Variants in SLAMF9 observed in about 807,000 individuals in gnomAD.
The protein encoded by SLAMF9 is CD2 family member 10.
A neutral mutation model predicts 30.4 loss-of-function variants in SLAMF9; 25 were observed. That is an observed-to-expected ratio of 0.82 (90% CI 0.60 to 1.15). The LOEUF is 1.15. Ranked by LOEUF, SLAMF9 falls within the 50% of genes most tolerant of loss-of-function variation. The pLI, the probability that SLAMF9 is intolerant of heterozygous loss-of-function variation, is 0.00. For synonymous variants in SLAMF9, 129 were observed against 127.2 expected (o/e 1.01, Z -0.09); for missense variants, 344 against 346.1 (o/e 0.99, Z 0.05).
At chr1:159,957,520 A>T (rs767265968), upstream of SLAMF9, among the ~76,000 whole-genome samples, 3 of 152,086 alleles carry the variant, frequency 2.0e-5, no homozygotes, top group Non-Finnish European at 2.9e-5. Context: ...GCTACTCAGG[A>T]GGCTGAGGCA....
chr1:159,959,623 G>A, the SLAMF9 span, among the ~76,000 whole-genome samples: 1 of 152,078 alleles, frequency 6.6e-6, no homozygotes, highest in Non-Finnish European at 1.5e-5. Context: ...CTCACTTGCG[G>A]GGCCACATTC....
Position 159,951,629 on chromosome 1 carries a change from C to A in SLAMF9, c.*32G>T. The A allele has an allele frequency of 6.2e-7, 1 of 1,607,168 alleles. No individual in the cohort carries two copies. The highest frequency in any genetic ancestry group is 1.1e-5 in the South Asian group (1 of 90,588). Reference sequence around the variant, plus strand: ...GGATTCTCTGGGTGCTGGGAAGAAACCAAGCTCAGGACTGGGGTTCCCAAG... The same window carrying A: ...GGATTCTCTGGGTGCTGGGAAGAAAACAAGCTCAGGACTGGGGTTCCCAAG... On this transcript the variant is annotated 3_prime_UTR_variant, in exon 4 of 4. Coordinates refer to ENST00000368093, the MANE Select transcript of SLAMF9 (RefSeq NM_033438.4).
chr1:159,952,112 G>A (rs1022685693), intron 3 of SLAMF9, 150 bp downstream of exon 3: 4 of 936,502 alleles, frequency 4.3e-6, no homozygotes, highest in African/African-American at 3.3e-5. Flanking sequence ...AAAACGGAGG[G>A]TCTCCTCTCC....
chr1:159,980,655 C>A, the SLAMF9 span: 6 of 152,394 alleles, frequency 3.9e-5, no homozygotes, highest in Non-Finnish European at 7.3e-5. Context: ...GATTCTCCTG[C>A]CTCAGCCTCC....
At chr1:159,975,060 A>T in the SLAMF9 span, among the ~76,000 whole-genome samples, 2 of 152,174 alleles carry the variant, frequency 1.3e-5, no homozygotes, top group Non-Finnish European at 2.9e-5. Context: ...GCAGTAACAT[A>T]GATAACTCCC....
the SLAMF9 span, among the ~76,000 whole-genome samples, chr1:159,981,124 G>T: frequency 1.3e-5 from 2 of 152,096 alleles, no homozygotes; most frequent in Non-Finnish European, 2.9e-5. Flanking sequence ...TTGGAGACAG[G>T]GTATTTTAAA....
intron 1 of SLAMF9, 136 bp from the exon 2 acceptor site, chr1:159,953,789 C>A: frequency 1.3e-6 from 1 of 799,472 alleles, no homozygotes; most frequent in Non-Finnish European, 1.9e-6. Flanking sequence ...TGTTCTCCAG[C>A]TGCTGCTTCT....
the SLAMF9 span, among the ~76,000 whole-genome samples, chr1:159,980,314 C>T: frequency 1.3e-5 from 2 of 152,124 alleles, no homozygotes; most frequent in Non-Finnish European, 2.9e-5. Context: ...TCTTCCCAGC[C>T]TCTTCCCCTC....
At chr1:159,975,190 T>C in the SLAMF9 span, among the ~76,000 whole-genome samples, 13 of 152,344 alleles carry the variant, frequency 8.5e-5, no homozygotes, top group African/African-American at 3.1e-4. Context: ...TATTCATTCA[T>C]CAATCATTTA....
the SLAMF9 span, among the ~76,000 whole-genome samples, chr1:159,962,851 A>T: frequency 2.0e-5 from 3 of 152,184 alleles, no homozygotes; most frequent in South Asian, 6.2e-4. Context: ...TGCCCTAATT[A>T]TTAAGAGTGC....
chr1:159,967,454 T>A, the SLAMF9 span, among the ~76,000 whole-genome samples: 4 of 152,244 alleles, frequency 2.6e-5, no homozygotes, highest in African/African-American at 9.6e-5. Context: ...GGTTTATTTC[T>A]GTTCCATTGG....
upstream of SLAMF9, among the ~76,000 whole-genome samples, chr1:159,955,938 A>G (rs1425410708): frequency 1.3e-5 from 2 of 152,232 alleles, no homozygotes; most frequent in Non-Finnish European, 2.9e-5. Flanking sequence ...TCTGAGTATA[A>G]AACGTTTTTA....
chr1:159,957,236 G>C (rs1323611949), upstream of SLAMF9, among the ~76,000 whole-genome samples: 2 of 150,048 alleles, frequency 1.3e-5, no homozygotes, highest in Non-Finnish European at 3.0e-5. Flanking sequence ...TTGGTGGAAA[G>C]ATTTCAAAAG....
the SLAMF9 span, among the ~76,000 whole-genome samples, chr1:159,975,622 T>C: frequency 7.3e-5 from 11 of 150,618 alleles, no homozygotes; most frequent in Admixed American, 4.0e-4. Context: ...CGAGATCTGA[T>C]GGCTGCCAAG....
the SLAMF9 span, among the ~76,000 whole-genome samples, chr1:159,961,046 C>T: frequency 2.0e-5 from 3 of 152,260 alleles, no homozygotes; most frequent in East Asian, 1.9e-4. Flanking sequence ...GATTATCTCC[C>T]AGAAAGACGT....
rs1651743247 is a variant in SLAMF9 at position 159,951,598 on chromosome 1, G to A, written c.*63C>T. On this transcript the variant is annotated 3_prime_UTR_variant, in exon 4 of 4. Coordinates refer to ENST00000368093, the MANE Select transcript of SLAMF9 (RefSeq NM_033438.4). ...TCCTTCCCCTGGAAAGAAGAGAGCT[G>A]AGGAAGGATTCTCTGGGTGCTGGGA... The A allele has an allele frequency of 6.6e-7, 1 of 1,510,594 alleles. No individual in the cohort carries two copies. Among genetic ancestry groups the A allele is most frequent in the Non-Finnish European group, 9.2e-7 (1 of 1,092,584 alleles). The allele number at this position is 1,510,594 out of a possible 1,614,324, so 93.6% of individuals were successfully genotyped here.
chr1:159,971,845 C>T, the SLAMF9 span, among the ~76,000 whole-genome samples: 1 of 152,102 alleles, frequency 6.6e-6, no homozygotes. Flanking sequence ...TCAGGCCGCA[C>T]CTGGACAAAC....
Position 159,954,223 on chromosome 1 carries a change from A to C in SLAMF9, c.-86T>G, listed in dbSNP as rs1234837181. 1.4e-6 allele frequency: 2 copies of C among 1,475,894 alleles called. No homozygotes were observed. The highest frequency in any genetic ancestry group is 4.6e-5 in the East Asian group (2 of 43,372). 91.4% of individuals were successfully genotyped at this position (1,475,894 alleles called of 1,614,324 possible). A position where few individuals can be genotyped will look rare whatever the true frequency, so the allele number is the denominator to read the frequency against. ...AGACTGCATTAGGAGGCTCCTAGAC[A>C]CAAAGAGCCTGACTGATGGTCCTGA... On this transcript the variant is annotated 5_prime_UTR_variant, in exon 1 of 4. Transcript: ENST00000368093.
the SLAMF9 span, chr1:159,973,064 C>T: frequency 6.9e-7 from 1 of 1,458,316 alleles, no homozygotes; most frequent in Non-Finnish European, 9.1e-7. Flanking sequence ...CCGCCTCACA[C>T]CAGTAAAGCC....
Sources: gnomAD v4.1 joint callset for allele counts (sites outside exome capture counted in the v4.1 genomes callset) on GRCh38, gnomAD v4.1.1 for gene constraint, MANE v1.5 for transcripts, NCBI Gene and HGNC (gene_info 2026-07-23, HGNC 2026-07-21) for gene names.